The following CNTN6 variants were observed in gnomAD, a reference collection of about 807,000 sequenced individuals.
The protein encoded by CNTN6 is contactin 6, also known as contactin-6.
CNTN6 carries 137 observed loss-of-function variants against 122.8 expected under a neutral mutation model. The ratio of observed to expected loss-of-function variants is 1.12; its 90% CI spans 0.97 to 1.29. The LOEUF (loss-of-function observed/expected upper bound fraction) is 1.29, where lower values mean the gene tolerates loss of function less well. CNTN6 is among the 50% of genes most tolerant of loss of function. The pLI, the probability that CNTN6 is intolerant of heterozygous loss-of-function variation, is 0.00. For missense variants in CNTN6, 1,634 were observed against 1,223.4 expected (o/e 1.34, Z -5.01); for synonymous variants, 570 against 426.0 (o/e 1.34, Z -4.16).
intron 2 of CNTN6, among the ~76,000 whole-genome samples, chr3:1,160,078 C>T (rs1436339196): frequency 6.6e-6 from 1 of 152,054 alleles, no homozygotes; most frequent in African/African-American, 2.4e-5. Flanking sequence ...CTTAGCCTCC[C>T]AAAGTGCTGG....
intron 4 of CNTN6, among the ~76,000 whole-genome samples, chr3:1,269,965 A>T (rs1349765652): frequency 2.0e-5 from 3 of 152,186 alleles, no homozygotes; most frequent in Admixed American, 2.0e-4. Context: ...AGCTCTTAAA[A>T]TAACTTCTTA....
chr3:1,163,999 A>G (rs955135886), intron 2 of CNTN6, among the ~76,000 whole-genome samples: 2 of 152,180 alleles, frequency 1.3e-5, no homozygotes, highest in African/African-American at 4.8e-5. Flanking sequence ...AGCTAGAACT[A>G]TGTTTTCAGA....
At chr3:1,310,986 G>A (rs1398313126) in intron 7 of CNTN6, among the ~76,000 whole-genome samples, 1 of 152,002 alleles carries the variant, frequency 6.6e-6, no homozygotes, top group South Asian at 2.1e-4. Context: ...GGACAAAAAC[G>A]AGCAGGAGAA....
chr3:1,318,451 T>C (rs1448658724), intron 7 of CNTN6, among the ~76,000 whole-genome samples: 2 of 151,790 alleles, frequency 1.3e-5, no homozygotes, highest in Non-Finnish European at 2.9e-5. Flanking sequence ...TTAACTAAAG[T>C]AGCACATGAT....
intron 4 of CNTN6, among the ~76,000 whole-genome samples, chr3:1,241,955 G>A (rs1479322629): frequency 6.6e-6 from 1 of 152,120 alleles, no homozygotes; most frequent in South Asian, 2.1e-4. Context: ...AAGGCTACAG[G>A]GTGTGGTCCT....
chr3:1,186,767 C>T (rs189463416), intron 2 of CNTN6, among the ~76,000 whole-genome samples: 1 of 151,864 alleles, frequency 6.6e-6, no homozygotes, highest in East Asian at 1.9e-4. Flanking sequence ...AAGTGGCTGC[C>T]ACACTCAGTA....
intron 2 of CNTN6, among the ~76,000 whole-genome samples, chr3:1,211,640 T>TC (rs1008116589): frequency 1.8e-4 from 28 of 151,890 alleles, no homozygotes; most frequent in Non-Finnish European, 2.9e-4. Context: ...ATCATTCTGT[T>TC]CCCCCCCACC....
Position 1,325,967 on chromosome 3 carries a change from G to A in CNTN6, c.1083+16G>A, listed in dbSNP as rs1045660622. ...CAACCCAGAGGTAAGCAACTATGTTGATATTAAAAGTTTACCTACTCTACT... is the reference window on the plus strand; with the variant it reads ...CAACCCAGAGGTAAGCAACTATGTTAATATTAAAAGTTTACCTACTCTACT... On this transcript the variant is annotated intron_variant, in intron 9 of 22. Transcript: ENST00000446702. 2 of 1,598,426 alleles carry A rather than the reference G, an allele frequency of 1.3e-6. No individual in the cohort carries two copies. The highest frequency in any genetic ancestry group is 2.7e-5 in the African/African-American group (2 of 73,680).
chr3:1,230,745 G>A (rs751348654), intron 4 of CNTN6, among the ~76,000 whole-genome samples: 4 of 152,218 alleles, frequency 2.6e-5, no homozygotes, highest in Non-Finnish European at 5.9e-5. Flanking sequence ...TATAGACAAA[G>A]AAGACTTCAG....
intron 11 of CNTN6, among the ~76,000 whole-genome samples, chr3:1,335,872 A>AT (rs1053955905): frequency 2.6e-4 from 40 of 152,010 alleles, no homozygotes; most frequent in African/African-American, 9.7e-4. Context: ...CTGCAAAAAA[A>AT]TTTTAAAAAG....
intron 2 of CNTN6, among the ~76,000 whole-genome samples, chr3:1,202,325 G>T (rs530483510): frequency 7.2e-5 from 11 of 152,300 alleles, no homozygotes; most frequent in African/African-American, 2.6e-4. Flanking sequence ...CGGATCACGA[G>T]CTCAGGATAT....
chr3:1,196,387 C>T (rs2093778866), intron 2 of CNTN6, among the ~76,000 whole-genome samples: 1 of 152,182 alleles, frequency 6.6e-6, no homozygotes, highest in Admixed American at 6.5e-5. Context: ...AATGGCTTAA[C>T]TGCTCTGATA....
intron 7 of CNTN6, among the ~76,000 whole-genome samples, chr3:1,306,475 C>G (rs1403293872): frequency 6.6e-6 from 1 of 152,098 alleles, no homozygotes; most frequent in African/African-American, 2.4e-5. Context: ...AGCGCTCAAC[C>G]TAGCAATAAA....
At chr3:1,185,768 T>G (rs887584793) in intron 2 of CNTN6, among the ~76,000 whole-genome samples, 7 of 152,198 alleles carry the variant, frequency 4.6e-5, no homozygotes, top group African/African-American at 1.7e-4. Flanking sequence ...ATTTAATCCC[T>G]GTACCTCACT....
chr3:1,204,102 A>G (rs994931944), intron 2 of CNTN6, among the ~76,000 whole-genome samples: 4 of 152,158 alleles, frequency 2.6e-5, no homozygotes, highest in African/African-American at 9.7e-5. Flanking sequence ...ATGCATTTCC[A>G]TGGTTAAGCC....
At chr3:1,125,784 G>C (rs1368199803) in intron 1 of CNTN6, among the ~76,000 whole-genome samples, 1 of 151,602 alleles carries the variant, frequency 6.6e-6, no homozygotes, top group Admixed American at 6.6e-5. Flanking sequence ...CAAAGTACCG[G>C]TAATATATTC....
chr3:1,265,047 T>TTTTTTTTC (rs1266624814), intron 4 of CNTN6, among the ~76,000 whole-genome samples: 2,598 of 129,000 alleles, frequency 0.02, 69 homozygotes, highest in African/African-American at 0.098. Context: ...GAATTTCCTT[T>TTTTTTTTC]TTTTTTTTTT....
intron 1 of CNTN6, among the ~76,000 whole-genome samples, chr3:1,144,932 T>G (rs1319360864): frequency 6.6e-6 from 1 of 152,196 alleles, no homozygotes; most frequent in Non-Finnish European, 1.5e-5. Context: ...TAGAGATGGC[T>G]AGGCTTTGCA....
At chr3:1,266,020 GTT>G (rs369400317) in intron 4 of CNTN6, among the ~76,000 whole-genome samples, 1 of 141,900 alleles carries the variant, frequency 7.0e-6, no homozygotes, top group African/African-American at 2.6e-5. Context: ...AGTTAAAGGT[GTT>G]TTTTTTTTTG....
Sources: allele counts gnomAD v4.1 joint callset (sites outside exome capture counted in the v4.1 genomes callset), GRCh38; gene constraint gnomAD v4.1.1; transcripts MANE v1.5; gene names NCBI Gene and HGNC (gene_info 2026-07-23, HGNC 2026-07-21).